ZNF714: variants seen among roughly 807,000 people sequenced by gnomAD.
The protein encoded by ZNF714 is zinc finger protein 714.
In ZNF714, 32 loss-of-function variants were observed where a neutral mutation model predicts 46.2. The observed-to-expected ratio is 0.69, with a 90% CI of 0.52 to 0.93. The LOEUF is 0.93. ZNF714 is among the 40% of genes least tolerant of loss of function. The pLI, the probability that ZNF714 is intolerant of heterozygous loss-of-function variation, is 0.00. For missense variants in ZNF714, 635 were observed against 646.3 expected (o/e 0.98, Z 0.19); for synonymous variants, 199 against 213.1 (o/e 0.93, Z 0.58).
At chr19:21,089,527 C>T (rs149976343) in intron 2 of ZNF714, among the ~76,000 whole-genome samples, 114 of 152,244 alleles carry the variant, frequency 7.5e-4, no homozygotes, top group Non-Finnish European at 1.3e-3. Context: ...GTACTCATTC[C>T]CTAAGCTGAG....
chr19:21,098,973 AAGC>A, intron 4 of ZNF714, 63 bp downstream of exon 4: 1 of 1,083,490 alleles, frequency 9.2e-7, no homozygotes, highest in Non-Finnish European at 1.3e-6. Flanking sequence ...AAAAAAAAAA[AAGC>A]AAGCCGGCCC....
At chr19:21,107,864 C>G (rs891764882) in intron 4 of ZNF714, among the ~76,000 whole-genome samples, 2 of 152,092 alleles carry the variant, frequency 1.3e-5, no homozygotes, top group African/African-American at 4.8e-5. Flanking sequence ...GCCAGTTTTA[C>G]TTTTTAATTT....
chr19:21,111,715 G>T (rs1349053265), intron 4 of ZNF714, among the ~76,000 whole-genome samples: 1 of 152,172 alleles, frequency 6.6e-6, no homozygotes, highest in Non-Finnish European at 1.5e-5. Context: ...TTGGCTGTGA[G>T]TTTGTCATAG....
At chr19:21,092,906 CTTTTTTTTT>C (rs56845417) in intron 2 of ZNF714, among the ~76,000 whole-genome samples, 6 of 101,706 alleles carry the variant, frequency 5.9e-5, no homozygotes, top group African/African-American at 1.9e-4. Flanking sequence ...ATAACTTAAA[CTTTTTTTTT>C]TTTTTTTTTT....
chr19:21,105,053 C>T (rs1331832546), intron 4 of ZNF714, among the ~76,000 whole-genome samples: 3 of 115,962 alleles, frequency 2.6e-5, no homozygotes, highest in Non-Finnish European at 5.0e-5. Flanking sequence ...GAGACGGAGT[C>T]TCACTCTGTC....
At chr19:21,102,111 T>A (rs185511238) in intron 4 of ZNF714, among the ~76,000 whole-genome samples, 2,780 of 152,182 alleles carry the variant, frequency 0.018, 51 homozygotes, top group Non-Finnish European at 0.03. Flanking sequence ...TAAAGGCATT[T>A]TTTTGTCAGG....
intron 2 of ZNF714, among the ~76,000 whole-genome samples, chr19:21,096,747 G>GCCA (rs1239981803): frequency 6.6e-5 from 10 of 152,150 alleles, no homozygotes; most frequent in Non-Finnish European, 8.8e-5. Context: ...GAAAGCTGGG[G>GCCA]TCCTTAGTAA....
In ZNF714 at chr19:21,123,295, T is replaced by G. The variant is rs544439130; in HGVS notation, c.*4963T>G. ...GGCAAATATAAAACTTGCTTGAAAATATGGAAATTAAATTTTTAAGAGAGT... is the reference window on the plus strand; with the variant it reads ...GGCAAATATAAAACTTGCTTGAAAAGATGGAAATTAAATTTTTAAGAGAGT... On this transcript the variant is annotated 3_prime_UTR_variant, in exon 5 of 5. Coordinates refer to ENST00000456283, the MANE Select transcript of ZNF714 (RefSeq NM_182515.4). 1 of 152,034 alleles carries G rather than the reference T, an allele frequency of 6.6e-6. No homozygotes were observed. 9.4% of individuals were successfully genotyped at this position (152,034 alleles called of 1,614,324 possible). A position where few individuals can be genotyped will look rare whatever the true frequency, so the allele number is the denominator to read the frequency against.
intron 4 of ZNF714, among the ~76,000 whole-genome samples, chr19:21,113,426 C>A (rs544201428): frequency 7.9e-5 from 12 of 151,880 alleles, no homozygotes; most frequent in Admixed American, 4.6e-4. Context: ...GGTGCAGTGG[C>A]ATGTTATGAT....
chr19:21,121,280 G>C lies in ZNF714; in HGVS notation c.*2948G>C, dbSNP rs762325376. ...TCTCCTGACCTCGTGATCTGGTCTC[G>C]ATCTCCTGACCTCATGATCTGCCTG... On this transcript the variant is annotated 3_prime_UTR_variant, in exon 5 of 5. Coordinates refer to ENST00000456283, the MANE Select transcript of ZNF714 (RefSeq NM_182515.4). 2 of 151,878 alleles carry C rather than the reference G, an allele frequency of 1.3e-5. No individual in the cohort carries two copies. Among genetic ancestry groups the C allele is most frequent in the Non-Finnish European group, 2.9e-5 (2 of 67,988 alleles). The allele number at this position is 151,878 out of a possible 1,614,324, so 9.4% of individuals were successfully genotyped here. A position where few individuals can be genotyped will look rare whatever the true frequency, so the allele number is the denominator to read the frequency against.
chr19:21,116,872 G>A lies in ZNF714; in HGVS notation c.208G>A (p.Val70Met), dbSNP rs199675041. The change falls in exon 5 of 5, where the codon GTG becomes ATG. Residue 70 changes from valine to methionine, a missense_variant. By Grantham distance (21) the Val-to-Met change is conservative (BLOSUM62 1). Transcript: ENST00000456283. ...EQDIKDSFQQ[V>M]ILRRHGKCEH... Reference sequence around the variant, plus strand: ...AGACATAAAAGATTCTTTTCAACAAGTGATACTGAGAAGACATGGCAAATG... The same window carrying A: ...AGACATAAAAGATTCTTTTCAACAAATGATACTGAGAAGACATGGCAAATG... 8 of 1,613,426 alleles carry A rather than the reference G, an allele frequency of 5.0e-6. No homozygotes were observed. The highest frequency in any genetic ancestry group is 1.1e-5 in the South Asian group (1 of 90,908).
At chr19:21,105,903 C>T (rs370291107) in intron 4 of ZNF714, among the ~76,000 whole-genome samples, 9 of 151,660 alleles carry the variant, frequency 5.9e-5, no homozygotes, top group Admixed American at 5.3e-4. Context: ...TGCAGTGAGC[C>T]GAGATCATGC....
chr19:21,098,206 G>A lies in ZNF714; in HGVS notation c.-63G>A, dbSNP rs1201250073. ...TCAGGAGACGTTGACATTTAGGGAT[G>A]TGGCCATAGAATTCTCTCTGGAGGA... On this transcript the variant is annotated 5_prime_UTR_variant, in exon 3 of 5. It adds an upstream start codon to the 5' untranslated region. Transcript: ENST00000456283. 5.0e-6 allele frequency: 8 copies of A among 1,611,902 alleles called. No homozygotes were observed. The highest frequency in any genetic ancestry group is 2.7e-5 in the African/African-American group (2 of 74,726).
Position 21,098,280 on chromosome 19 carries a change from G to A in ZNF714, c.12G>A (p.Met4Ile), listed in dbSNP as rs923018123. The part of the protein sequence containing the change: MNV[M>I]LENYKNLVFL... Reference sequence around the variant, plus strand: ...AGCAGAATTTATATATGAATGTGATGTTAGAGAACTACAAAAACCTGGTCT... The same window carrying A: ...AGCAGAATTTATATATGAATGTGATATTAGAGAACTACAAAAACCTGGTCT... The change falls in exon 3 of 5, where the codon ATG (methionine) becomes ATA (isoleucine). Residue 4 changes from methionine (M) to isoleucine (I), a missense_variant. Transcript: ENST00000456283. The A allele has an allele frequency of 4.3e-6, 7 of 1,613,146 alleles. No individual in the cohort carries two copies. In the Admixed American group the frequency reaches 5.0e-5, roughly 12 times the overall value.
At chr19:21,105,770 C>G (rs1015007303) in intron 4 of ZNF714, among the ~76,000 whole-genome samples, 6 of 152,002 alleles carry the variant, frequency 3.9e-5, no homozygotes, top group African/African-American at 1.5e-4. Context: ...GCCTGGCCAA[C>G]ATGGTAAAAC....
At chr19:21,084,515 A>G (rs1968729707) in intron 2 of ZNF714, among the ~76,000 whole-genome samples, 1 of 151,792 alleles carries the variant, frequency 6.6e-6, no homozygotes, top group Non-Finnish European at 1.5e-5. Flanking sequence ...ATAAGTGAGT[A>G]GGAGTGGGTG....
chr19:21,090,578 A>T (rs981335410), intron 2 of ZNF714, among the ~76,000 whole-genome samples: 7 of 152,150 alleles, frequency 4.6e-5, no homozygotes, highest in Non-Finnish European at 7.3e-5. Context: ...AAAGTCAGCC[A>T]GTTGGTGCAC....
intron 2 of ZNF714, among the ~76,000 whole-genome samples, chr19:21,084,422 G>T (rs775063849): frequency 1.3e-5 from 2 of 151,992 alleles, no homozygotes; most frequent in Admixed American, 6.6e-5. Context: ...CTGAGATGGT[G>T]TAAGAGCTTG....
At position 21,098,798 on chromosome 19, in the gene ZNF714, T is replaced by C. The variant is rs1969101343; in HGVS notation, c.44-14T>C. ...GAATATAAGCAAGATTTATGCTATTTACTTTTAATAAAGCAGGTATTGCTG... is the reference window on the plus strand; with the variant it reads ...GAATATAAGCAAGATTTATGCTATTCACTTTTAATAAAGCAGGTATTGCTG... On this transcript the variant is annotated splice_polypyrimidine_tract_variant and intron_variant, in intron 3 of 4. Transcript: ENST00000456283. 6.3e-7 allele frequency: 1 copy of C among 1,589,070 alleles called. No individual in the cohort carries two copies. The highest frequency in any genetic ancestry group is 8.6e-7 in the Non-Finnish European group (1 of 1,162,736).
Sources: allele counts gnomAD v4.1 joint callset (sites outside exome capture counted in the v4.1 genomes callset), GRCh38; gene constraint gnomAD v4.1.1; transcripts MANE v1.5; gene names NCBI Gene and HGNC (gene_info 2026-07-23, HGNC 2026-07-21).